PHTF1: variants seen among roughly 807,000 people sequenced by gnomAD.
PHTF1 encodes protein PHTF1.
In PHTF1, 88 loss-of-function variants were observed where a neutral mutation model predicts 102.4. The ratio of observed to expected loss-of-function variants is 0.86; its 90% CI spans 0.72 to 1.03. The LOEUF (loss-of-function observed/expected upper bound fraction) is 1.03, where lower values mean the gene tolerates loss of function less well. Among genes scored for constraint, PHTF1 ranks in the 50% least tolerant of loss-of-function variants. The pLI is 0.00. For synonymous variants in PHTF1, 289 were observed against 305.2 expected (o/e 0.95, Z 0.55); for missense variants, 814 against 909.5 (o/e 0.89, Z 1.35).
intron 3 of PHTF1, chr1:113,746,894 CTTCTAA>C (rs1463011787): frequency 1.4e-6 from 1 of 722,518 alleles, no homozygotes; most frequent in Non-Finnish European, 1.7e-6. Flanking sequence ...CTTCTCTTTA[CTTCTAA>C]AACAAAAAAT....
chr1:113,697,932 T>G (rs1325468801), intron 18 of PHTF1, among the ~76,000 whole-genome samples: 2 of 152,226 alleles, frequency 1.3e-5, no homozygotes. Context: ...TGTACTGGTT[T>G]TCATTCATTC....
At chr1:113,758,514 C>CTTT (rs200794989) in intron 2 of PHTF1, 145 bp downstream of exon 2, 42 of 330,246 alleles carry the variant, frequency 1.3e-4, no homozygotes, top group Admixed American at 3.2e-4. Flanking sequence ...CCTTGTACAT[C>CTTT]TTTTTTTTTT....
rs779093171 is a variant in PHTF1 at position 113,704,125 on chromosome 1, C to T, written c.1846G>A (p.Val616Ile). 1.4e-5 allele frequency: 22 copies of T among 1,613,540 alleles called. No homozygotes were observed. Among genetic ancestry groups the T allele is most frequent in the Non-Finnish European group, 1.7e-5 (20 of 1,179,674 alleles). The change falls in exon 15 of 19, where the codon GTT (valine) becomes ATT (isoleucine). Residue 616 changes from valine to isoleucine, a missense_variant. Physicochemically the swap from Val to Ile is conservative, Grantham distance 29. Transcript: ENST00000369604. ...QRSVDVVVSSVFLLTLSIAFI... is the reference protein window; with the variant it reads ...QRSVDVVVSSIFLLTLSIAFI... Reference sequence around the variant, plus strand: ...GCAATCGAAAGTGTCAGTAGGAAAACCGAGGATACAACCACATCAACTGAA... The same window carrying T: ...GCAATCGAAAGTGTCAGTAGGAAAATCGAGGATACAACCACATCAACTGAA...
intron 7 of PHTF1, 83 bp from the exon 8 acceptor site, chr1:113,713,521 A>G (rs1277776717): frequency 4.2e-6 from 3 of 712,928 alleles, no homozygotes; most frequent in Admixed American, 2.9e-5. Context: ...GGAATACGCT[A>G]TATTATTCTG....
At chr1:113,757,282 AAGG>A (rs1338467159) in intron 3 of PHTF1, among the ~76,000 whole-genome samples, 6 of 152,196 alleles carry the variant, frequency 3.9e-5, no homozygotes, top group African/African-American at 1.4e-4. Flanking sequence ...TTGGCTTGCA[AAGG>A]AGGAGGAGGA....
chr1:113,738,543 A>G (rs1032374254), intron 4 of PHTF1, among the ~76,000 whole-genome samples, 187 bp downstream of exon 4: 1 of 152,218 alleles, frequency 6.6e-6, no homozygotes, highest in African/African-American at 2.4e-5. Flanking sequence ...CCTCTTTTAC[A>G]TGTATGCATG....
upstream of PHTF1, chr1:113,759,607 C>G (rs1177778216): frequency 1.3e-5 from 2 of 152,318 alleles, no homozygotes; most frequent in Non-Finnish European, 1.5e-5. Flanking sequence ...CAGCCTTGGT[C>G]CAGGCTCCGG....
chr1:113,744,968 G>A (rs940250808), intron 3 of PHTF1, among the ~76,000 whole-genome samples: 6 of 137,184 alleles, frequency 4.4e-5, no homozygotes, highest in Non-Finnish European at 7.9e-5. Flanking sequence ...GAATGGAAGG[G>A]AAGGGGAGGG....
At chr1:113,731,528 C>A (rs1312872242) in intron 5 of PHTF1, among the ~76,000 whole-genome samples, 1 of 150,580 alleles carries the variant, frequency 6.6e-6, no homozygotes, top group Non-Finnish European at 1.5e-5. Context: ...GAGACCCCGT[C>A]TCTATTTTAA....
chr1:113,746,188 C>T (rs956750245), intron 3 of PHTF1, among the ~76,000 whole-genome samples: 7 of 152,258 alleles, frequency 4.6e-5, no homozygotes, highest in East Asian at 1.9e-4. Flanking sequence ...TAATTAGAAG[C>T]GTGAACTGGG....
chr1:113,730,193 T>C (rs1654433446), intron 5 of PHTF1, among the ~76,000 whole-genome samples: 1 of 151,752 alleles, frequency 6.6e-6, no homozygotes, highest in South Asian at 2.1e-4. Context: ...TTGTAGAGGA[T>C]TGTGCCCTAA....
intron 5 of PHTF1, among the ~76,000 whole-genome samples, chr1:113,727,740 T>C (rs1385354961): frequency 6.6e-6 from 1 of 151,940 alleles, no homozygotes; most frequent in African/African-American, 2.4e-5. Context: ...GTCTGGTGGG[T>C]AGATCACTTA....
intron 5 of PHTF1, among the ~76,000 whole-genome samples, chr1:113,737,819 C>T (rs544788604): frequency 6.6e-6 from 1 of 152,060 alleles, no homozygotes; most frequent in Non-Finnish European, 1.5e-5. Context: ...ACAAAAAACA[C>T]ACATACCCAA....
chr1:113,701,208 A>AT (rs1452877111), intron 15 of PHTF1, among the ~76,000 whole-genome samples: 2 of 152,224 alleles, frequency 1.3e-5, no homozygotes, highest in African/African-American at 4.8e-5. Flanking sequence ...AGACAAATGC[A>AT]TTTGCAGCTA....
chr1:113,750,162 A>AT lies in PHTF1; in HGVS notation c.102+7536dup, dbSNP rs1190969567. Among the ~76,000 whole-genome samples the AT allele has an allele frequency of 1.4e-4, 21 of 151,774 alleles. 1 individual carries two copies. Among genetic ancestry groups the AT allele is most frequent in the Admixed American group, 1.2e-3 (18 of 15,230 alleles). On this transcript the variant is annotated intron_variant, in intron 3 of 18. Coordinates refer to ENST00000369604, the MANE Select transcript of PHTF1 (RefSeq NM_001323043.2). ...GGCACATGCCCACCACACCCAGCTA[A>AT]TTTTTTTATCTTTTTGTAGAGCTAT...
chr1:113,735,516 G>T (rs1339105579), intron 5 of PHTF1, among the ~76,000 whole-genome samples: 1 of 151,426 alleles, frequency 6.6e-6, no homozygotes, highest in African/African-American at 2.4e-5. Context: ...CCCATATGAT[G>T]AATTATTATG....
At chr1:113,728,812 G>A (rs1654216075) in intron 5 of PHTF1, among the ~76,000 whole-genome samples, 1 of 152,194 alleles carries the variant, frequency 6.6e-6, no homozygotes, top group Admixed American at 6.5e-5. Context: ...GGGAGGCTGA[G>A]GCAGGAGAAT....
chr1:113,741,422 A>G (rs952240816), intron 3 of PHTF1, among the ~76,000 whole-genome samples: 4 of 152,240 alleles, frequency 2.6e-5, no homozygotes, highest in Non-Finnish European at 5.9e-5. Context: ...TATCTTGTGT[A>G]CTATATTCAA....
In PHTF1 at chr1:113,724,830, T is replaced by G. The variant is rs749443067; in HGVS notation, c.552A>C (p.Lys184Asn). 3 of 1,605,300 alleles carry G rather than the reference T, an allele frequency of 1.9e-6. No homozygotes were observed. Among genetic ancestry groups the G allele is most frequent in the Admixed American group, 1.7e-5 (1 of 59,800 alleles). ...SRENGNNSSD[K>N]VRGIETLESV... The stretch of plus-strand genomic sequence containing the variant: ...ATTCCAAAGTTTCTATTCCTCTGAC[T>G]TTATCAGAGGAGTTATTTCCATTTT... Residue 184 changes from lysine to asparagine, a missense_variant, in exon 7 of 19, where the codon AAA becomes AAC. Physicochemically the swap from Lys to Asn is moderately conservative, Grantham distance 94 (BLOSUM62 0). Coordinates refer to ENST00000369604, the MANE Select transcript of PHTF1 (RefSeq NM_001323043.2).
Sources: gnomAD v4.1 joint callset for allele counts (sites outside exome capture counted in the v4.1 genomes callset) on GRCh38, gnomAD v4.1.1 for gene constraint, MANE v1.5 for transcripts, NCBI Gene and HGNC (gene_info 2026-07-23, HGNC 2026-07-21) for gene names.